The following ALKBH5 variants were observed in gnomAD, a reference collection of about 807,000 sequenced individuals.
The protein encoded by ALKBH5 is alkB homolog 5, RNA demethylase, also known as RNA demethylase ALKBH5.
A neutral mutation model predicts 32.1 loss-of-function variants in ALKBH5; 2 were observed. That is an observed-to-expected ratio of 0.06 (90% CI 0.03 to 0.20). The LOEUF (loss-of-function observed/expected upper bound fraction) is 0.20. Among genes scored for constraint, ALKBH5 ranks in the 10% least tolerant of loss-of-function variants. The probability of loss-of-function intolerance (pLI) is 1.00; values close to 1 mark genes in which losing one functional copy is unlikely to be tolerated. For missense variants in ALKBH5, 352 were observed against 559.5 expected (o/e 0.63, Z 3.74); for synonymous variants, 300 against 231.7 (o/e 1.29, Z -2.68).
At chr17:18,201,794 A>AGGATAGATAGGATAGATAAGAT (rs1491101824) in intron 2 of ALKBH5, among the ~76,000 whole-genome samples, 1 of 134,416 alleles carries the variant, frequency 7.4e-6, no homozygotes, top group Non-Finnish European at 1.6e-5. Flanking sequence ...TAGGATAGAT[A>AGGATAGATAGGATAGATAAGAT]AGATAGATAG....
At chr17:18,194,144 TGGGCGGG>T (rs1054893302) in intron 1 of ALKBH5, among the ~76,000 whole-genome samples, 44 of 20,136 alleles carry the variant, frequency 2.2e-3, no homozygotes, top group African/African-American at 8.4e-3. Flanking sequence ...CCTTTTTTTT[TGGGCGGG>T]GGGCAGGGGG....
intron 1 of ALKBH5, among the ~76,000 whole-genome samples, chr17:18,193,952 C>A (rs528453037): frequency 2.0e-5 from 3 of 152,054 alleles, no homozygotes; most frequent in Non-Finnish European, 4.4e-5. Flanking sequence ...TTGTGGCTGC[C>A]ATGCTTCCAG....
chr17:18,193,797 G>A (rs1375002171), intron 1 of ALKBH5, among the ~76,000 whole-genome samples: 1 of 152,192 alleles, frequency 6.6e-6, no homozygotes, highest in East Asian at 1.9e-4. Flanking sequence ...TGAGAAGGGA[G>A]CTGATCAGCA....
intron 2 of ALKBH5, among the ~76,000 whole-genome samples, chr17:18,203,924 C>T (rs1374794369): frequency 6.6e-6 from 1 of 152,190 alleles, no homozygotes; most frequent in Non-Finnish European, 1.5e-5. Flanking sequence ...AGAAACAACT[C>T]CAGAGTGCCC....
chr17:18,201,775 A>ATAGGTAGATAGATAGG (rs1555550993), intron 2 of ALKBH5, among the ~76,000 whole-genome samples: 1 of 141,770 alleles, frequency 7.1e-6, no homozygotes, highest in Non-Finnish European at 1.5e-5. Flanking sequence ...AGATAGATAG[A>ATAGGTAGATAGATAGG]TAGATAGATA....
In ALKBH5 at chr17:18,208,437, C is replaced by G. The variant is rs777853741; in HGVS notation, c.*41C>G. The stretch of plus-strand genomic sequence containing the variant: ...TCCTGGGAACTCTGGCTCATCCTTA[C>G]GTAGTTGCCCCTCCTTTTGTTTTGA... On this transcript the variant is annotated 3_prime_UTR_variant, in exon 4 of 4. Transcript: ENST00000399138. 1 of 1,601,174 alleles carries G rather than the reference C, an allele frequency of 6.2e-7. No homozygotes were observed. Among genetic ancestry groups the G allele is most frequent in the East Asian group, 2.2e-5 (1 of 44,834 alleles).
chr17:18,200,222 T>G (rs961569785), intron 2 of ALKBH5, among the ~76,000 whole-genome samples: 1 of 151,260 alleles, frequency 6.6e-6, no homozygotes, highest in Admixed American at 6.6e-5. Context: ...AATGGTAAGC[T>G]CAAAGGCTAG....
At chr17:18,185,055 C>T (rs775566827) in intron 1 of ALKBH5, 42 bp downstream of exon 1, 6 of 1,577,330 alleles carry the variant, frequency 3.8e-6, no homozygotes, top group East Asian at 2.2e-5. Flanking sequence ...CGCCTGCTGC[C>T]TTAGCTACCC....
Position 18,184,132 on chromosome 17 carries a change from G to T in ALKBH5, c.-112G>T. On this transcript the variant is annotated 5_prime_UTR_variant, in exon 1 of 4. Transcript: ENST00000399138. ...CCGGGTCCCCCACTCACGCATGGGG[G>T]TTCGGCGCTAAGGACCCCCCTCCCT... is the stretch of plus-strand genomic sequence containing the variant. The T allele has an allele frequency of 1.0e-6, 1 of 978,954 alleles. No homozygotes were observed. The highest frequency in any genetic ancestry group is 1.5e-6 in the Non-Finnish European group (1 of 665,994). 60.6% of individuals were successfully genotyped at this position (978,954 alleles called of 1,614,324 possible).
intron 2 of ALKBH5, among the ~76,000 whole-genome samples, chr17:18,198,138 G>T (rs1204058233): frequency 6.6e-6 from 1 of 152,142 alleles, no homozygotes. Context: ...TGACCATTTT[G>T]ACATGCAGAA....
At chr17:18,191,038 CAA>C (rs2047171368) in intron 1 of ALKBH5, among the ~76,000 whole-genome samples, 1 of 152,084 alleles carries the variant, frequency 6.6e-6, no homozygotes, top group African/African-American at 2.4e-5. Flanking sequence ...CCTGTGAAAA[CAA>C]AAAAGCAGGA....
At chr17:18,197,350 G>T (rs2142480148) in intron 2 of ALKBH5, among the ~76,000 whole-genome samples, 1 of 152,310 alleles carries the variant, frequency 6.6e-6, no homozygotes, top group East Asian at 1.9e-4. Context: ...AAACAATGGA[G>T]TCCAGAGTGT....
chr17:18,205,062 A>G (rs976790585), intron 2 of ALKBH5, among the ~76,000 whole-genome samples: 1 of 152,134 alleles, frequency 6.6e-6, no homozygotes, highest in Non-Finnish European at 1.5e-5. Context: ...TTTAAAAAAA[A>G]AAGAATGGTT....
intron 2 of ALKBH5, among the ~76,000 whole-genome samples, chr17:18,203,184 T>A (rs58441148): frequency 0.21 from 32,060 of 151,942 alleles, 3,688 homozygotes; most frequent in Middle Eastern, 0.31. Flanking sequence ...CCTCCCAAAG[T>A]GCTGGGATTA....
At position 18,209,634 on chromosome 17, in the gene ALKBH5, G is replaced by C. The variant is rs953039469; in HGVS notation, c.*1238G>C. 2.6e-5 allele frequency: 4 copies of C among 152,282 alleles called. No homozygotes were observed. The highest frequency in any genetic ancestry group is 4.4e-5 in the Non-Finnish European group (3 of 68,082). 9.4% of individuals were successfully genotyped at this position (152,282 alleles called of 1,614,324 possible). The stretch of plus-strand genomic sequence containing the variant: ...TTAGGAATGTCTTCTTGTCAGCCAG[G>C]CCAGGACCCGGGCTTGCCAAGAGCA... On this transcript the variant is annotated 3_prime_UTR_variant, in exon 4 of 4. Transcript: ENST00000399138.
At chr17:18,200,966 AT>A (rs1410201305) in intron 2 of ALKBH5, among the ~76,000 whole-genome samples, 1 of 151,870 alleles carries the variant, frequency 6.6e-6, no homozygotes, top group African/African-American at 2.4e-5. Flanking sequence ...CATGTGAGAG[AT>A]TGTAGGAAGC....
intron 3 of ALKBH5, among the ~76,000 whole-genome samples, chr17:18,207,248 C>G (rs1341977455): frequency 6.6e-6 from 1 of 152,170 alleles, no homozygotes; most frequent in African/African-American, 2.4e-5. Flanking sequence ...CCCAGACACC[C>G]TTGTGGAATT....
chr17:18,204,039 G>C (rs896496849), intron 2 of ALKBH5, among the ~76,000 whole-genome samples: 1 of 152,190 alleles, frequency 6.6e-6, no homozygotes, highest in African/African-American at 2.4e-5. Context: ...TACCAGAGGA[G>C]GGACTTTCTT....
Position 18,184,670 on chromosome 17 carries a change from G to A in ALKBH5, c.427G>A (p.Ala143Thr), listed in dbSNP as rs371248302. 2 of 1,612,576 alleles carry A rather than the reference G, an allele frequency of 1.2e-6. No homozygotes were observed. The highest frequency in any genetic ancestry group is 1.3e-5 in the African/African-American group (1 of 74,930). Residue 143 changes from alanine (A) to threonine (T), a missense_variant, in exon 1 of 4, where the codon GCC (alanine) becomes ACC (threonine). Physicochemically the swap from Ala to Thr is moderately conservative, Grantham distance 58. Around this residue, in one of 4 missense-constraint regions of ALKBH5, gnomAD observed 56 missense variants for 238.1 expected, o/e 0.24. Coordinates refer to ENST00000399138, the MANE Select transcript of ALKBH5 (RefSeq NM_017758.4). ...CTTCGGCGAAGGCTACACTTACGGC[G>A]CCCAGCTGCAGAAGCGCGGGCCCGG... Reference protein sequence around the residue: ...YFFGEGYTYGAQLQKRGPGQE... With the variant: ...YFFGEGYTYGTQLQKRGPGQE...
Sources: allele counts gnomAD v4.1 joint callset (sites outside exome capture counted in the v4.1 genomes callset), GRCh38; gene constraint gnomAD v4.1.1; regional missense constraint gnomAD v4.1.1; transcripts MANE v1.5; gene names NCBI Gene and HGNC (gene_info 2026-07-23, HGNC 2026-07-21).